ABHD12: variants seen among roughly 807,000 people sequenced by gnomAD.
ABHD12 encodes lysophosphatidylserine lipase ABHD12.
Under a neutral mutation model 58.3 loss-of-function variants are expected in ABHD12, and 43 were observed. That is an observed-to-expected ratio of 0.74 (90% CI 0.58 to 0.95). The LOEUF (loss-of-function observed/expected upper bound fraction) is 0.95. Among genes scored for constraint, ABHD12 ranks in the 40% least tolerant of loss-of-function variants. The pLI, the probability that ABHD12 is intolerant of heterozygous loss-of-function variation, is 0.00. For missense variants in ABHD12, 539 were observed against 537.2 expected (o/e 1.00, Z -0.03); for synonymous variants, 219 against 211.2 (o/e 1.04, Z -0.32).
chr20:25,386,144 A>T (rs762803242), intron 1 of ABHD12, among the ~76,000 whole-genome samples: 1 of 121,850 alleles, frequency 8.2e-6, no homozygotes, highest in Non-Finnish European at 1.8e-5. Context: ...GTTTAGAATA[A>T]AATGTTATGT....
chr20:25,335,907 T>C (rs1227552445), intron 2 of ABHD12, among the ~76,000 whole-genome samples: 1 of 150,912 alleles, frequency 6.6e-6, no homozygotes, highest in Admixed American at 6.6e-5. Context: ...TGTATACATA[T>C]GTAACTAACC....
intron 4 of ABHD12, among the ~76,000 whole-genome samples, chr20:25,318,207 C>T (rs1020774415): frequency 6.6e-6 from 1 of 152,074 alleles, no homozygotes; most frequent in Admixed American, 6.6e-5. Context: ...CCCAGCTACT[C>T]GGGAGACCGA....
chr20:25,306,505 T>C (rs73345015), intron 10 of ABHD12, among the ~76,000 whole-genome samples: 1 of 152,178 alleles, frequency 6.6e-6, no homozygotes, highest in African/African-American at 2.4e-5. Context: ...CAGCCTCCCA[T>C]GTAGCTGGGA....
At chr20:25,322,527 G>A (rs2089097888) in intron 3 of ABHD12, among the ~76,000 whole-genome samples, 2 of 149,672 alleles carry the variant, frequency 1.3e-5, no homozygotes, top group Middle Eastern at 3.4e-3. Context: ...CTACAGGCGC[G>A]TGCCACCATG....
chr20:25,321,112 C>T (rs1287286210), intron 3 of ABHD12, among the ~76,000 whole-genome samples: 7 of 152,336 alleles, frequency 4.6e-5, no homozygotes, highest in South Asian at 2.1e-4. Flanking sequence ...TCATTTCTAA[C>T]GTCTCTCTCT....
Position 25,390,692 on chromosome 20 carries a change from C to T in ABHD12, c.12G>A (p.Arg4=). The part of the protein sequence containing the change: MRK[R]TEPVALEHER... ...CATGCTCCAAGGCGACGGGCTCGGT[C>T]CGCTTCCTCATCCCGCGGCCGACAG... The change falls in exon 1 of 13, where the codon CGG becomes CGA. Residue 4 remains arginine, a synonymous_variant. Transcript: ENST00000339157. The T allele has an allele frequency of 7.1e-7, 1 of 1,401,126 alleles. No individual in the cohort carries two copies. The allele number at this position is 1,401,126 out of a possible 1,614,324, so 86.8% of individuals were successfully genotyped here.
chr20:25,353,242 G>GACACAAAAAA (rs1208847073), intron 1 of ABHD12, among the ~76,000 whole-genome samples: 1 of 140,222 alleles, frequency 7.1e-6, no homozygotes, highest in Non-Finnish European at 1.6e-5. Flanking sequence ...GCAAGCCATA[G>GACACAAAAAA]GTGTTTTTTT....
chr20:25,346,090 T>A (rs1171313441), intron 1 of ABHD12, among the ~76,000 whole-genome samples: 4 of 152,056 alleles, frequency 2.6e-5, no homozygotes, highest in Admixed American at 1.3e-4. Flanking sequence ...AGTGAATAAA[T>A]AAACTGGTAC....
chr20:25,303,077 C>T (rs1226934128), intron 11 of ABHD12, among the ~76,000 whole-genome samples: 1 of 152,238 alleles, frequency 6.6e-6, no homozygotes, highest in Non-Finnish European at 1.5e-5. Flanking sequence ...CTGGTATCAG[C>T]GCAATTCCAA....
In ABHD12 at chr20:25,339,275, T is replaced by C. The variant is rs760208830; in HGVS notation, c.268A>G (p.Ile90Val). 3 of 1,613,842 alleles carry C rather than the reference T, an allele frequency of 1.9e-6. No individual in the cohort carries two copies. The highest frequency in any genetic ancestry group is 1.7e-5 in the Admixed American group (1 of 60,006). ...LGLYIAIPFLIKLCPGIQAKL... is the reference protein window; with the variant it reads ...LGLYIAIPFLVKLCPGIQAKL... ...GCCTGTATTCCAGGACATAGTTTGA[T>C]GAGAAATGGAATGGCAATGTACAAC... The change falls in exon 2 of 13, where the codon ATC (isoleucine) becomes GTC (valine). Residue 90 changes from isoleucine to valine, a missense_variant. By Grantham distance (29) the Ile-to-Val change is conservative. Transcript: ENST00000339157.
At chr20:25,295,509 A>C, downstream of ABHD12, 1 of 1,398,206 alleles carries the variant, frequency 7.2e-7, no homozygotes, top group East Asian at 2.3e-5. Context: ...GACCAGGTGG[A>C]TGGTGCCTGG....
At chr20:25,387,054 T>G (rs1012123556) in intron 1 of ABHD12, among the ~76,000 whole-genome samples, 3 of 152,140 alleles carry the variant, frequency 2.0e-5, no homozygotes, top group Admixed American at 6.5e-5. Context: ...CACTGGCATT[T>G]GAGAAAACTC....
intron 12 of ABHD12, 43 bp downstream of exon 12, chr20:25,302,176 T>G (rs2088647711): frequency 6.2e-7 from 1 of 1,611,572 alleles, no homozygotes; most frequent in Non-Finnish European, 8.5e-7. Flanking sequence ...TGTGAGCCAG[T>G]GCTGCCCAGA....
In ABHD12 at chr20:25,300,498, C is replaced by T; in HGVS notation, c.*347G>A. 3 of 1,290,246 alleles carry T rather than the reference C, an allele frequency of 2.3e-6. No individual in the cohort carries two copies. The highest frequency in any genetic ancestry group is 1.6e-5 in the South Asian group (1 of 61,578). 79.9% of individuals were successfully genotyped at this position (1,290,246 alleles called of 1,614,324 possible). On this transcript the variant is annotated 3_prime_UTR_variant, in exon 13 of 13. Coordinates refer to ENST00000339157, the MANE Select transcript of ABHD12 (RefSeq NM_001042472.3). ...AAAAAGCTCAGCATGGTCCCGAGCC[C>T]CAAGAGTCCCCTGCCCGGACTCCCC...
chr20:25,352,463 A>G (rs1568753062), intron 1 of ABHD12, among the ~76,000 whole-genome samples: 1 of 147,336 alleles, frequency 6.8e-6, no homozygotes, highest in Non-Finnish European at 1.5e-5. Flanking sequence ...TAATTTTTGT[A>G]TTTTTTAGTA....
chr20:25,372,263 G>A (rs1049729613), intron 1 of ABHD12, among the ~76,000 whole-genome samples: 10 of 151,242 alleles, frequency 6.6e-5, no homozygotes, highest in African/African-American at 2.4e-4. Context: ...TGTCACCTGC[G>A]CTTAAGTGCA....
chr20:25,322,594 A>C (rs1310054980), intron 3 of ABHD12, among the ~76,000 whole-genome samples: 1 of 150,896 alleles, frequency 6.6e-6, no homozygotes, highest in Non-Finnish European at 1.5e-5. Flanking sequence ...CATGTTGTTT[A>C]GGGTGGTCTC....
chr20:25,311,168 G>T (rs1268312545), intron 6 of ABHD12, among the ~76,000 whole-genome samples: 3 of 152,186 alleles, frequency 2.0e-5, no homozygotes, highest in African/African-American at 7.2e-5. Context: ...GAACGCGTTG[G>T]GTCACATGGC....
intron 4 of ABHD12, among the ~76,000 whole-genome samples, chr20:25,318,152 T>G (rs1338071024): frequency 6.6e-6 from 1 of 152,050 alleles, no homozygotes. Flanking sequence ...CCGTCTCTAC[T>G]AAAAATACAA....
Sources: allele counts gnomAD v4.1 joint callset (sites outside exome capture counted in the v4.1 genomes callset), GRCh38; gene constraint gnomAD v4.1.1; transcripts MANE v1.5; gene names NCBI Gene and HGNC (gene_info 2026-07-23, HGNC 2026-07-21).